The following ATP10B variants were observed in gnomAD, a reference collection of about 807,000 sequenced individuals.
ATP10B encodes the protein ATPase phospholipid transporting 10B (putative).
ATP10B carries 122 observed loss-of-function variants against 141.2 expected under a neutral mutation model. That is an observed-to-expected ratio of 0.86 (90% CI 0.75 to 1.00). The LOEUF is 1.00. Ranked by LOEUF, ATP10B falls within the 50% of genes least tolerant of loss-of-function variation. The pLI, the probability that ATP10B is intolerant of heterozygous loss-of-function variation, is 0.00. For missense variants in ATP10B, 1,876 were observed against 1,825.3 expected (o/e 1.03, Z -0.51); for synonymous variants, 685 against 692.0 (o/e 0.99, Z 0.16).
chr5:160,826,530 G>A (rs933516675), intron 1 of ATP10B, among the ~76,000 whole-genome samples: 2 of 152,104 alleles, frequency 1.3e-5, no homozygotes, highest in African/African-American at 4.8e-5. Flanking sequence ...TAAAATATGT[G>A]TTTGAATATG....
chr5:160,812,617 G>A (rs1227784969), intron 1 of ATP10B, among the ~76,000 whole-genome samples: 3 of 152,046 alleles, frequency 2.0e-5, no homozygotes, highest in East Asian at 1.9e-4. Context: ...CATACTGAAG[G>A]ATTCATCAGA....
At chr5:160,856,731 T>G (rs1754009547), upstream of ATP10B, among the ~76,000 whole-genome samples, 1 of 151,800 alleles carries the variant, frequency 6.6e-6, no homozygotes, top group African/African-American at 2.4e-5. Flanking sequence ...TGTATTTCTA[T>G]TTTACTGAGA....
intron 2 of ATP10B, among the ~76,000 whole-genome samples, chr5:160,748,036 G>A (rs564604821): frequency 4.0e-5 from 6 of 151,842 alleles, no homozygotes; most frequent in Admixed American, 1.3e-4. Flanking sequence ...GTTGTGGCGG[G>A]GAGCGCAGAG....
At chr5:160,845,074 G>GA (rs1395580221) in intron 1 of ATP10B, among the ~76,000 whole-genome samples, 1 of 152,098 alleles carries the variant, frequency 6.6e-6, no homozygotes, top group Non-Finnish European at 1.5e-5. Flanking sequence ...AGATACTCTT[G>GA]AAAATCTGGT....
At chr5:160,590,036 C>A (rs562744262) in intron 23 of ATP10B, among the ~76,000 whole-genome samples, 2 of 152,128 alleles carry the variant, frequency 1.3e-5, no homozygotes, top group East Asian at 3.9e-4. Context: ...TTAGGCAGTG[C>A]GGATGTGGTA....
At chr5:160,603,915 G>T in intron 20 of ATP10B, 50 bp downstream of exon 20, 1 of 1,504,142 alleles carries the variant, frequency 6.6e-7, no homozygotes, top group Non-Finnish European at 9.3e-7. Flanking sequence ...ATATTTCCTT[G>T]TATCTCAACT....
At chr5:160,799,703 G>T (rs945037991) in intron 1 of ATP10B, among the ~76,000 whole-genome samples, 1 of 152,154 alleles carries the variant, frequency 6.6e-6, no homozygotes, top group African/African-American at 2.4e-5. Context: ...GGAAAAACAG[G>T]TAACTTAGGA....
At chr5:160,727,221 A>T (rs1766425071) in intron 2 of ATP10B, among the ~76,000 whole-genome samples, 1 of 152,184 alleles carries the variant, frequency 6.6e-6, no homozygotes, top group African/African-American at 2.4e-5. Flanking sequence ...GACATTATAC[A>T]CTGAAAGCAT....
At chr5:160,748,916 C>T (rs916425722) in intron 2 of ATP10B, among the ~76,000 whole-genome samples, 15 of 152,150 alleles carry the variant, frequency 9.9e-5, no homozygotes. Flanking sequence ...GGGCTAGGCC[C>T]TGCACTTGGC....
intron 1 of ATP10B, among the ~76,000 whole-genome samples, chr5:160,832,310 G>A (rs768665085): frequency 3.3e-4 from 50 of 152,066 alleles, no homozygotes; most frequent in South Asian, 6.2e-4. Context: ...ATAACTAAAT[G>A]TCCATCAGTA....
intron 6 of ATP10B, among the ~76,000 whole-genome samples, chr5:160,671,143 T>C (rs191560245): frequency 0.033 from 3,813 of 114,430 alleles, 158 homozygotes; most frequent in African/African-American, 0.12. Flanking sequence ...CCAACCTGGG[T>C]GACAAAGCAA....
rs372438094 is a variant in ATP10B, at chr5:160,619,597, TGGGC to T, written c.2416+746_2416+749del. On this transcript the variant is annotated intron_variant, in intron 15 of 25. Transcript: ENST00000327245. Reference sequence around the variant, plus strand: ...ATAATGCAGGAGGCACAGGGCTGCCTGGGCAATTCTGAAGCTTGGCTGGAATCTA... The same window carrying T: ...ATAATGCAGGAGGCACAGGGCTGCCTAATTCTGAAGCTTGGCTGGAATCTA... 1.3e-3 allele frequency among the ~76,000 whole-genome samples: 202 copies of T among 152,328 alleles called. 1 individual carries two copies. Among genetic ancestry groups the T allele is most frequent in the African/African-American group, 4.7e-3 (194 of 41,558 alleles).
At chr5:160,574,960 C>T (rs1376696710) in intron 24 of ATP10B, among the ~76,000 whole-genome samples, 1 of 152,090 alleles carries the variant, frequency 6.6e-6, no homozygotes, top group African/African-American at 2.4e-5. Context: ...TGTAAATTAC[C>T]CAGTCTCAGG....
chr5:160,783,576 CACACACACACACACACACACAT>C (rs910752702), intron 2 of ATP10B, among the ~76,000 whole-genome samples: 27 of 128,716 alleles, frequency 2.1e-4, no homozygotes, highest in East Asian at 7.7e-4. Context: ...CACACACACA[CACACACACACACACACACACAT>C]ACACACACAC....
the ATP10B span, among the ~76,000 whole-genome samples, chr5:160,892,211 G>A: frequency 1.3e-5 from 2 of 152,092 alleles, no homozygotes; most frequent in South Asian, 2.1e-4. Context: ...TCCTTCCAAG[G>A]CCTCCTGGGA....
chr5:160,899,237 TCA>T, the ATP10B span, among the ~76,000 whole-genome samples: 1 of 150,820 alleles, frequency 6.6e-6, no homozygotes. Flanking sequence ...GGGGGAGGGG[TCA>T]CAGTTTTTAG....
intron 2 of ATP10B, among the ~76,000 whole-genome samples, chr5:160,754,437 G>T (rs1239832608): frequency 6.6e-6 from 1 of 152,144 alleles, no homozygotes; most frequent in African/African-American, 2.4e-5. Context: ...GAAATCAGGG[G>T]TATAAATAAA....
At chr5:160,776,172 G>A (rs1770294273) in intron 2 of ATP10B, among the ~76,000 whole-genome samples, 1 of 152,152 alleles carries the variant, frequency 6.6e-6, no homozygotes, top group South Asian at 2.1e-4. Context: ...AAAATCCATG[G>A]GGGCCAGGAT....
intron 22 of ATP10B, among the ~76,000 whole-genome samples, chr5:160,591,736 G>T (rs1756308161): frequency 6.6e-6 from 1 of 152,132 alleles, no homozygotes; most frequent in African/African-American, 2.4e-5. Flanking sequence ...TACAGTTTTT[G>T]GGTCTTGCTT....
Sources: gnomAD v4.1 joint callset for allele counts (sites outside exome capture counted in the v4.1 genomes callset) on GRCh38, gnomAD v4.1.1 for gene constraint, MANE v1.5 for transcripts, NCBI Gene and HGNC (gene_info 2026-07-23, HGNC 2026-07-21) for gene names.